Variants in FBXL7 observed in about 807,000 individuals in gnomAD.
FBXL7 encodes the protein F-box/LRR-repeat protein 7.
A neutral mutation model predicts 38.3 loss-of-function variants in FBXL7; 12 were observed. The ratio of observed to expected loss-of-function variants is 0.31; its 90% CI spans 0.20 to 0.51. The LOEUF (loss-of-function observed/expected upper bound fraction) is 0.51, where lower values mean the gene tolerates loss of function less well. Among genes scored for constraint, FBXL7 ranks in the 20% least tolerant of loss-of-function variants. The pLI, the probability that FBXL7 is intolerant of heterozygous loss-of-function variation, is 0.98. For missense variants in FBXL7, 567 were observed against 676.4 expected, an observed-to-expected ratio of 0.84 and a Z score of 1.79; for synonymous variants, 297 against 300.9, an observed-to-expected ratio of 0.99 and a Z score of 0.13.
chr5:15,631,371 C>T (rs1279431332), intron 2 of FBXL7, among the ~76,000 whole-genome samples: 3 of 151,990 alleles, frequency 2.0e-5, no homozygotes, highest in Admixed American at 6.6e-5. Context: ...TCCTTGGTGT[C>T]GTGAAAATAT....
intron 2 of FBXL7, among the ~76,000 whole-genome samples, chr5:15,727,662 C>T (rs1035826152): frequency 6.6e-6 from 1 of 152,032 alleles, no homozygotes; most frequent in Non-Finnish European, 1.5e-5. Flanking sequence ...TTGTCTTTGT[C>T]TTTCTAAAGT....
chr5:15,773,946 C>G (rs1032540782), intron 2 of FBXL7, among the ~76,000 whole-genome samples: 1 of 151,776 alleles, frequency 6.6e-6, no homozygotes, highest in Non-Finnish European at 1.5e-5. Context: ...CTTAGATTCC[C>G]TTTCCTTCTT....
rs148528068 is a variant in FBXL7, at chr5:15,718,629, GTTA to G, written c.127+102560_127+102562del. Among the ~76,000 whole-genome samples the G allele has an allele frequency of 8.5e-3, 1,288 of 152,350 alleles. 6 individuals carry two copies. Among genetic ancestry groups the G allele is most frequent in the Non-Finnish European group, 0.014 (971 of 68,040 alleles). ...TTTGGAAATGTTTCCCAACTTGGGA[GTTA>G]TTGCTTTCAGCTGTAATAATAACAG... On this transcript the variant is annotated intron_variant, in intron 2 of 3. Coordinates refer to ENST00000504595, the MANE Select transcript of FBXL7 (RefSeq NM_012304.5).
At chr5:15,651,090 T>G (rs531389538) in intron 2 of FBXL7, among the ~76,000 whole-genome samples, 7 of 149,812 alleles carry the variant, frequency 4.7e-5, no homozygotes, top group East Asian at 2.0e-4. Context: ...ACATACTTCT[T>G]TTTTTTTTTC....
chr5:15,853,056 G>C (rs1739148413), intron 2 of FBXL7, among the ~76,000 whole-genome samples: 1 of 152,280 alleles, frequency 6.6e-6, no homozygotes, highest in Admixed American at 6.5e-5. Flanking sequence ...TGCTTTTTAT[G>C]TCTAGTTTAC....
chr5:15,709,379 C>T (rs963012950), intron 2 of FBXL7, among the ~76,000 whole-genome samples: 1 of 151,730 alleles, frequency 6.6e-6, no homozygotes, highest in Non-Finnish European at 1.5e-5. Flanking sequence ...ACTAAAAATA[C>T]AAAAATTAGC....
At chr5:15,634,514 G>GA (rs1038879465) in intron 2 of FBXL7, among the ~76,000 whole-genome samples, 3 of 148,764 alleles carry the variant, frequency 2.0e-5, no homozygotes, top group African/African-American at 7.5e-5. Flanking sequence ...TTGGGGGGGG[G>GA]GTTTACCCTA....
intron 1 of FBXL7, among the ~76,000 whole-genome samples, chr5:15,540,966 C>T (rs1188942273): frequency 6.6e-6 from 1 of 151,822 alleles, no homozygotes; most frequent in Non-Finnish European, 1.5e-5. Context: ...GACCATTGAC[C>T]CTAGGTTTAT....
chr5:15,785,402 A>G (rs988701925), intron 2 of FBXL7, among the ~76,000 whole-genome samples: 1 of 152,160 alleles, frequency 6.6e-6, no homozygotes, highest in Admixed American at 6.5e-5. Context: ...ACATCTCACA[A>G]TATAGGACAG....
chr5:15,629,242 TTCAGCCTGGGAAACAGAC>T (rs1329186862), intron 2 of FBXL7, among the ~76,000 whole-genome samples: 2 of 152,142 alleles, frequency 1.3e-5, no homozygotes, highest in Admixed American at 1.3e-4. Flanking sequence ...ACCACCGCAC[TTCAGCCTGGGAAACAGAC>T]TCAGATCCAT....
intron 1 of FBXL7, among the ~76,000 whole-genome samples, chr5:15,541,211 A>C (rs1270412511): frequency 6.6e-6 from 1 of 151,612 alleles, no homozygotes; most frequent in Non-Finnish European, 1.5e-5. Flanking sequence ...ACATTCCTAT[A>C]AATCATCACA....
intron 2 of FBXL7, among the ~76,000 whole-genome samples, chr5:15,806,681 G>T (rs1371132038): frequency 6.6e-6 from 1 of 152,128 alleles, no homozygotes; most frequent in Admixed American, 6.5e-5. Context: ...TCTTTATGAA[G>T]GTTAACCCAG....
chr5:15,883,326 G>GT (rs1415679230), intron 2 of FBXL7, among the ~76,000 whole-genome samples: 3 of 151,900 alleles, frequency 2.0e-5, no homozygotes, highest in Non-Finnish European at 2.9e-5. Context: ...TTTAATTTTT[G>GT]TTTTTTCTGG....
chr5:15,593,644 T>C (rs946757255), intron 1 of FBXL7, among the ~76,000 whole-genome samples: 2 of 152,222 alleles, frequency 1.3e-5, no homozygotes, highest in Non-Finnish European at 2.9e-5. Context: ...TATAAAAAGC[T>C]AAATAGTTTA....
At position 15,755,591 on chromosome 5, in the gene FBXL7, G is replaced by A. The variant is rs1736277242; in HGVS notation, c.127+139519G>A. Among the ~76,000 whole-genome samples, 3 of 150,928 alleles carry A rather than the reference G, an allele frequency of 2.0e-5. No individual in the cohort carries two copies. The Middle Eastern group carries it at 0.01, about 520-fold the overall frequency. On this transcript the variant is annotated intron_variant, in intron 2 of 3. Coordinates refer to ENST00000504595, the MANE Select transcript of FBXL7 (RefSeq NM_012304.5). ...CTGCAAATAGCTATATTTTGCTTGG[G>A]CAACAAAGCCGAGGAAGCCTCAGTT...
chr5:15,628,162 G>A (rs570331631), intron 2 of FBXL7, among the ~76,000 whole-genome samples: 113 of 152,212 alleles, frequency 7.4e-4, no homozygotes, highest in Non-Finnish European at 1.4e-3. Flanking sequence ...TGTTTATAGC[G>A]GCTAGTGGTT....
At chr5:15,653,690 C>T (rs1481372093) in intron 2 of FBXL7, among the ~76,000 whole-genome samples, 1 of 152,134 alleles carries the variant, frequency 6.6e-6, no homozygotes, top group East Asian at 1.9e-4. Context: ...AGCCATTGAC[C>T]AGTTAAAAGA....
intron 2 of FBXL7, among the ~76,000 whole-genome samples, chr5:15,896,306 C>T (rs569429676): frequency 1.3e-5 from 2 of 152,144 alleles, no homozygotes; most frequent in East Asian, 3.9e-4. Flanking sequence ...ATGTTTAGGT[C>T]GGAAATGTCA....
intron 2 of FBXL7, among the ~76,000 whole-genome samples, chr5:15,627,241 A>G (rs949292137): frequency 7.9e-5 from 12 of 152,218 alleles, no homozygotes; most frequent in African/African-American, 2.9e-4. Context: ...GTAGCAGTTA[A>G]ATAGCCATTC....
Sources: allele counts gnomAD v4.1 joint callset (sites outside exome capture counted in the v4.1 genomes callset), GRCh38; gene constraint gnomAD v4.1.1; transcripts MANE v1.5; gene names NCBI Gene and HGNC (gene_info 2026-07-23, HGNC 2026-07-21).